The following ENTPD1 variants were observed in gnomAD, a reference collection of about 807,000 sequenced individuals.
ENTPD1 encodes the protein ectonucleoside triphosphate diphosphohydrolase 1, also known as ATP diphosphohydrolase.
Under a neutral mutation model 57.0 loss-of-function variants are expected in ENTPD1, and 33 were observed. That is an observed-to-expected ratio of 0.58 (90% CI 0.44 to 0.77). The LOEUF (loss-of-function observed/expected upper bound fraction) is 0.77. Ranked by LOEUF, ENTPD1 falls within the 30% of genes least tolerant of loss-of-function variation. ENTPD1 has a pLI of 0.00. For missense variants in ENTPD1, 501 were observed against 603.4 expected, an observed-to-expected ratio of 0.83 and a Z score of 1.78; for synonymous variants, 202 against 218.8, an observed-to-expected ratio of 0.92 and a Z score of 0.68.
chr10:95,766,198 TA>T (rs1213580839), intron 1 of ENTPD1, among the ~76,000 whole-genome samples: 1 of 152,194 alleles, frequency 6.6e-6, no homozygotes, highest in African/African-American at 2.4e-5. Context: ...CATTTGAGAA[TA>T]AGTTGTATAT....
At chr10:95,725,389 T>C (rs2097982511) in intron 1 of ENTPD1, among the ~76,000 whole-genome samples, 1 of 152,230 alleles carries the variant, frequency 6.6e-6, no homozygotes. Flanking sequence ...GTTATACTCT[T>C]ATAGTTCTTT....
At chr10:95,794,959 G>A (rs1398743078) in intron 1 of ENTPD1, among the ~76,000 whole-genome samples, 2 of 152,296 alleles carry the variant, frequency 1.3e-5, no homozygotes, top group Middle Eastern at 3.4e-3. Context: ...AGGACATACG[G>A]GCTAGATAAA....
intron 9 of ENTPD1, 71 bp from the exon 10 acceptor site, chr10:95,866,106 T>TAAA (rs2098473976): frequency 6.5e-7 from 1 of 1,545,328 alleles, no homozygotes; most frequent in Non-Finnish European, 8.8e-7. Context: ...CATGATCCAA[T>TAAA]AATTCTAAGC....
At chr10:95,744,311 GC>G (rs1225647626) in intron 1 of ENTPD1, among the ~76,000 whole-genome samples, 2 of 151,926 alleles carry the variant, frequency 1.3e-5, no homozygotes, top group Admixed American at 1.3e-4. Context: ...AGTTCCTTTT[GC>G]CTTTGGTCCT....
intron 2 of ENTPD1, among the ~76,000 whole-genome samples, chr10:95,830,616 G>GC (rs2098393413): frequency 6.6e-6 from 1 of 152,054 alleles, no homozygotes; most frequent in Non-Finnish European, 1.5e-5. Context: ...CACCAGCCTG[G>GC]CCAACATGGT....
chr10:95,844,540 C>A lies in ENTPD1; in HGVS notation c.478C>A (p.Pro160Thr). 1 of 1,614,186 alleles carries A rather than the reference C, an allele frequency of 6.2e-7. No homozygotes were observed. The highest frequency in any genetic ancestry group is 8.5e-7 in the Non-Finnish European group (1 of 1,180,032). Reference sequence around the variant, plus strand: ...GGTGGAGAGGAGCCTCAGCAACTACCCCTTTGACTTCCAGGGTGCCAGGAT... The same window carrying A: ...GGTGGAGAGGAGCCTCAGCAACTACACCTTTGACTTCCAGGGTGCCAGGAT... The part of the protein sequence containing the change: ...DVVERSLSNY[P>T]FDFQGARIIT... Residue 160 changes from proline to threonine, a missense_variant, in exon 5 of 10, where the codon CCC becomes ACC. Physicochemically the swap from Pro to Thr is conservative, Grantham distance 38 (BLOSUM62 -1). Coordinates refer to ENST00000371205, the MANE Select transcript of ENTPD1 (RefSeq NM_001776.6).
chr10:95,852,222 T>C (rs2098446530), intron 7 of ENTPD1, among the ~76,000 whole-genome samples: 2 of 152,230 alleles, frequency 1.3e-5, no homozygotes, highest in Non-Finnish European at 2.9e-5. Flanking sequence ...GCTGCAAAAA[T>C]GTCTTCTTTT....
At chr10:95,856,671 T>TATACAC (rs571622251) in intron 7 of ENTPD1, among the ~76,000 whole-genome samples, 298 of 146,794 alleles carry the variant, frequency 2.0e-3, no homozygotes, top group African/African-American at 6.7e-3. Context: ...TATATATATA[T>TATACAC]ACACACACAT....
rs1377679876 is a variant in ENTPD1 at position 95,874,748 on chromosome 10, GTT to G, written c.*8367_*8368del. ...CAAACTTTTGCCTGGACATCCAGGTGTTTCCATATATATTCTGAAATCTAGGC... is the reference window on the plus strand; with the variant it reads ...CAAACTTTTGCCTGGACATCCAGGTGTCCATATATATTCTGAAATCTAGGC... On this transcript the variant is annotated 3_prime_UTR_variant, in exon 10 of 10. Coordinates refer to ENST00000371205, the MANE Select transcript of ENTPD1 (RefSeq NM_001776.6). 5.3e-5 allele frequency among the ~76,000 whole-genome samples: 8 copies of G among 152,248 alleles called. No individual in the cohort carries two copies. Among genetic ancestry groups the G allele is most frequent in the Non-Finnish European group, 8.8e-5 (6 of 68,038 alleles).
chr10:95,842,257 C>A (rs2098424125), intron 3 of ENTPD1, 87 bp from the exon 4 acceptor site: 1 of 1,267,614 alleles, frequency 7.9e-7, no homozygotes, highest in Non-Finnish European at 1.1e-6. Context: ...GTATTTTTTT[C>A]AAAACACCAT....
At chr10:95,770,148 A>G (rs2098109615) in intron 1 of ENTPD1, among the ~76,000 whole-genome samples, 1 of 152,078 alleles carries the variant, frequency 6.6e-6, no homozygotes, top group East Asian at 1.9e-4. Context: ...AAAAAAAAAA[A>G]AACGACAATG....
chr10:95,699,056 A>G, the ENTPD1 span, among the ~76,000 whole-genome samples: 1 of 152,194 alleles, frequency 6.6e-6, no homozygotes, highest in Non-Finnish European at 1.5e-5. Flanking sequence ...CACACCTGTT[A>G]TCCTAGCATT....
In ENTPD1 at chr10:95,872,774, C is replaced by G. The variant is rs1590236136; in HGVS notation, c.*6391C>G. ...GGCGAGCTGGTCCGCACCACTAGTT[C>G]TGCTTCACTCTATTTATCTCTTGAT... On this transcript the variant is annotated 3_prime_UTR_variant, in exon 10 of 10. Coordinates refer to ENST00000371205, the MANE Select transcript of ENTPD1 (RefSeq NM_001776.6). The G allele has an allele frequency of 2.0e-6, 2 of 985,352 alleles. No homozygotes were observed. The highest frequency in any genetic ancestry group is 1.1e-4 in the East Asian group (1 of 8,836). The allele number at this position is 985,352 out of a possible 1,614,324, so 61.0% of individuals were successfully genotyped here.
At chr10:95,754,731 A>G (rs1589678576), upstream of ENTPD1, 1 of 152,240 alleles carries the variant, frequency 6.6e-6, no homozygotes, top group South Asian at 2.1e-4. Context: ...TCTTTCATTC[A>G]GTGTAATTAG....
intron 4 of ENTPD1, among the ~76,000 whole-genome samples, chr10:95,843,458 CA>C (rs1407418248): frequency 6.6e-6 from 1 of 152,172 alleles, no homozygotes; most frequent in East Asian, 1.9e-4. Flanking sequence ...CACTTAATTG[CA>C]CTGTCATAAC....
At position 95,866,852 on chromosome 10, in the gene ENTPD1, G is replaced by A; in HGVS notation, c.*469G>A. On this transcript the variant is annotated 3_prime_UTR_variant, in exon 10 of 10. Coordinates refer to ENST00000371205, the MANE Select transcript of ENTPD1 (RefSeq NM_001776.6). ...AAGAAAGCCATATGATGCCTTTGGA[G>A]AAGGCAGACACACATTCCATTCCCA... 1 of 1,044,880 alleles carries A rather than the reference G, an allele frequency of 9.6e-7. No homozygotes were observed. The highest frequency in any genetic ancestry group is 1.2e-6 in the Non-Finnish European group (1 of 865,602). 64.7% of individuals were successfully genotyped at this position (1,044,880 alleles called of 1,614,324 possible).
chr10:95,850,226 T>C (rs549862425), intron 7 of ENTPD1, among the ~76,000 whole-genome samples: 2 of 152,384 alleles, frequency 1.3e-5, no homozygotes, highest in East Asian at 3.9e-4. Context: ...TTCCTGAGAC[T>C]ATCGCATTGC....
chr10:95,763,048 T>C (rs2098073027), intron 1 of ENTPD1, among the ~76,000 whole-genome samples: 1 of 152,074 alleles, frequency 6.6e-6, no homozygotes, highest in East Asian at 1.9e-4. Flanking sequence ...AGTATTCAAG[T>C]TTTCCTGCCA....
At position 95,791,558 on chromosome 10, in the gene ENTPD1, A is replaced by C. The variant is rs892806967; in HGVS notation, c.17-31679A>C. ...GTCAAGATAGATTGCTAACAGTTAG[A>C]CATGTCTGGCAATGGCTTAGACTAC... On this transcript the variant is annotated intron_variant, in intron 1 of 9. Coordinates refer to ENST00000371205, the MANE Select transcript of ENTPD1 (RefSeq NM_001776.6). This position sits in a 1 kb window ranked among gnomAD's most constrained non-coding sequence, Gnocchi z 4.1. Among the ~76,000 whole-genome samples, 2 of 152,212 alleles carry C rather than the reference A, an allele frequency of 1.3e-5. No homozygotes were observed. Among genetic ancestry groups the C allele is most frequent in the African/African-American group, 4.8e-5 (2 of 41,462 alleles).
Sources: allele counts gnomAD v4.1 joint callset (sites outside exome capture counted in the v4.1 genomes callset), GRCh38; gene constraint gnomAD v4.1.1; non-coding constraint Gnocchi (gnomAD v3.1); transcripts MANE v1.5; gene names NCBI Gene and HGNC (gene_info 2026-07-23, HGNC 2026-07-21).